TRPS1: variants seen among roughly 807,000 people sequenced by gnomAD.
The protein encoded by TRPS1 is transcriptional repressor GATA binding 1, also known as zinc finger transcription factor Trps1.
A neutral mutation model predicts 101.2 loss-of-function variants in TRPS1; 6 were observed. That is an observed-to-expected ratio of 0.06 (90% CI 0.03 to 0.12). The LOEUF (loss-of-function observed/expected upper bound fraction) is 0.12, where lower values mean the gene tolerates loss of function less well. Ranked by LOEUF, TRPS1 falls within the 10% of genes least tolerant of loss-of-function variation. The pLI is 1.00. For missense variants in TRPS1, 1,363 were observed against 1,567.0 expected, an observed-to-expected ratio of 0.87 and a Z score of 2.20; for synonymous variants, 578 against 589.8, an observed-to-expected ratio of 0.98 and a Z score of 0.29.
At chr8:115,473,597 G>A (rs548094114) in intron 5 of TRPS1, among the ~76,000 whole-genome samples, 2 of 152,254 alleles carry the variant, frequency 1.3e-5, no homozygotes, top group Admixed American at 1.3e-4. Flanking sequence ...GAGTAGGGAA[G>A]AAGAAACAAA....
chr8:115,657,215 T>C lies in TRPS1; in HGVS notation c.-122+11330A>G, dbSNP rs920027785. On this transcript the variant is annotated intron_variant, in intron 1 of 6. Transcript: ENST00000395715. ...AAAAGCAAACATTCACTGTTATATT[T>C]TCCTAGACATGAAAGATAGAACTAA... Among the ~76,000 whole-genome samples, 32 of 152,110 alleles carry C rather than the reference T, an allele frequency of 2.1e-4. 1 individual carries two copies. Among genetic ancestry groups the C allele is most frequent in the African/African-American group, 7.7e-4 (32 of 41,416 alleles).
intron 5 of TRPS1, among the ~76,000 whole-genome samples, chr8:115,547,806 G>C (rs1816610515): frequency 6.6e-6 from 1 of 152,102 alleles, no homozygotes; most frequent in Non-Finnish European, 1.5e-5. Context: ...TTTGTGTCCT[G>C]TTGTCTACTT....
intron 5 of TRPS1, among the ~76,000 whole-genome samples, chr8:115,567,794 A>C (rs1048074994): frequency 1.3e-5 from 2 of 152,012 alleles, no homozygotes; most frequent in Non-Finnish European, 2.9e-5. Context: ...CGTGCAATCC[A>C]CTATGTTAAT....
intron 5 of TRPS1, among the ~76,000 whole-genome samples, chr8:115,502,215 A>G (rs1815336084): frequency 6.6e-6 from 1 of 152,114 alleles, no homozygotes; most frequent in African/African-American, 2.4e-5. Flanking sequence ...CAATTAAGTC[A>G]TGACACTCTT....
intron 4 of TRPS1, among the ~76,000 whole-genome samples, chr8:115,589,531 A>C (rs1427690455): frequency 6.6e-6 from 1 of 152,182 alleles, no homozygotes; most frequent in African/African-American, 2.4e-5. Flanking sequence ...GATTGTTTCC[A>C]ATCTTTTCCC....
chr8:115,534,275 CTCTAACCCCGATACCATCACACTGGAGAT>C lies in TRPS1; in HGVS notation c.2700+52697_2700+52725del, dbSNP rs1343301994. ...GATACCATCACACTGGAGATTGAAG[CTCTAACCCCGATACCATCACACTGGAGAT>C]TGAAGCTCTAACCGCAGTACCATCA... On this transcript the variant is annotated intron_variant, in intron 5 of 6. Coordinates refer to ENST00000395715, the MANE Select transcript of TRPS1 (RefSeq NM_014112.5). Among the ~76,000 whole-genome samples the C allele has an allele frequency of 1.9e-4, 28 of 148,028 alleles. 1 individual carries two copies. Among genetic ancestry groups the C allele is most frequent in the Non-Finnish European group, 2.7e-4 (18 of 66,764 alleles).
rs1477409840 is a variant in TRPS1 at position 115,668,903 on chromosome 8, TAG to T, written c.-482_-481del. ...CCAGCAGCACCAAAAAAGAGGACGC[TAG>T]AGATTGCAGTAAGATCGGGTCTTTA... On this transcript the variant is annotated 5_prime_UTR_variant, in exon 1 of 7. Coordinates refer to ENST00000395715, the MANE Select transcript of TRPS1 (RefSeq NM_014112.5). The T allele has an allele frequency of 6.6e-6, 1 of 151,012 alleles. No individual in the cohort carries two copies. The highest frequency in any genetic ancestry group is 1.5e-5 in the Non-Finnish European group (1 of 67,798). The allele number at this position is 151,012 out of a possible 1,614,324, so 9.4% of individuals were successfully genotyped here.
intron 5 of TRPS1, among the ~76,000 whole-genome samples, chr8:115,489,973 T>C (rs2130098231): frequency 6.6e-6 from 1 of 152,188 alleles, no homozygotes; most frequent in African/African-American, 2.4e-5. Context: ...TTACTGATCC[T>C]CAATGTCTCT....
Position 115,448,303 on chromosome 8 carries a change from G to A in TRPS1, c.2701-29851C>T, listed in dbSNP as rs1465027117. On this transcript the variant is annotated intron_variant, in intron 5 of 6. Transcript: ENST00000395715. Reference sequence around the variant, plus strand: ...TGATGTTTGAGAAATGACAAAATTCGAGAAGAGGAATCTTACAAAGATACA... The same window carrying A: ...TGATGTTTGAGAAATGACAAAATTCAAGAAGAGGAATCTTACAAAGATACA... Among the ~76,000 whole-genome samples the A allele has an allele frequency of 2.6e-5, 4 of 152,086 alleles. No homozygotes were observed. The South Asian group carries it at 6.2e-4, about 24-fold the overall frequency.
At chr8:115,422,303 G>T (rs1000372628) in intron 5 of TRPS1, among the ~76,000 whole-genome samples, 11 of 151,954 alleles carry the variant, frequency 7.2e-5, no homozygotes, top group Admixed American at 5.2e-4. Context: ...CTGGAGTTGG[G>T]CAGAGATGGT....
chr8:115,529,939 C>A lies in TRPS1; in HGVS notation c.2700+57062G>T, dbSNP rs181590052. Among the ~76,000 whole-genome samples, 15 of 152,022 alleles carry A rather than the reference C, an allele frequency of 9.9e-5. No homozygotes were observed. The East Asian group carries it at 2.9e-3, about 29-fold the overall frequency. The stretch of plus-strand genomic sequence containing the variant: ...GTGCTTTGTGTATAGGAGATCTTTA[C>A]AAAATTAAAATGGCAGAGATGCATT... On this transcript the variant is annotated intron_variant, in intron 5 of 6. Coordinates refer to ENST00000395715, the MANE Select transcript of TRPS1 (RefSeq NM_014112.5).
intron 1 of TRPS1, among the ~76,000 whole-genome samples, chr8:115,646,004 A>T (rs2737244): frequency 0.49 from 73,820 of 151,998 alleles, 20,698 homozygotes; most frequent in African/African-American, 0.77. Flanking sequence ...CTGTCCGTAA[A>T]TATCCTAAAT....
Position 115,410,356 on chromosome 8 carries a change from TTAAAGA to T in TRPS1, c.*3661_*3666del, listed in dbSNP as rs1812761899. On this transcript the variant is annotated 3_prime_UTR_variant, in exon 7 of 7. Coordinates refer to ENST00000395715, the MANE Select transcript of TRPS1 (RefSeq NM_014112.5). ...TACCACAGGCTTCAACAAAGAGCTG[TTAAAGA>T]TACTTTTTTCCCTTCTCATTAATAT... is the stretch of plus-strand genomic sequence containing the variant. The T allele has an allele frequency of 6.6e-6, 1 of 152,486 alleles. No homozygotes were observed. Among genetic ancestry groups the T allele is most frequent in the Admixed American group, 6.6e-5 (1 of 15,234 alleles). The allele number at this position is 152,486 out of a possible 1,614,324, so 9.4% of individuals were successfully genotyped here.
intron 5 of TRPS1, among the ~76,000 whole-genome samples, chr8:115,494,085 G>A (rs1815092957): frequency 6.6e-6 from 1 of 152,186 alleles, no homozygotes; most frequent in African/African-American, 2.4e-5. Context: ...ATGGGACTGT[G>A]AACTCCAGTG....
At chr8:115,555,978 T>C (rs997240750) in intron 5 of TRPS1, among the ~76,000 whole-genome samples, 4 of 152,012 alleles carry the variant, frequency 2.6e-5, no homozygotes, top group African/African-American at 9.7e-5. Flanking sequence ...TGAACCATGA[T>C]TGCACCACTG....
chr8:115,612,362 A>T (rs911306918), intron 3 of TRPS1, among the ~76,000 whole-genome samples: 2 of 152,124 alleles, frequency 1.3e-5, no homozygotes, highest in African/African-American at 2.4e-5. Context: ...ATCAATAAGG[A>T]TTTACTTGAA....
At chr8:115,648,327 C>T (rs1377631496) in intron 1 of TRPS1, among the ~76,000 whole-genome samples, 2 of 152,112 alleles carry the variant, frequency 1.3e-5, no homozygotes, top group Non-Finnish European at 1.5e-5. Flanking sequence ...GCGCAGCAGC[C>T]GAGGATGAGA....
chr8:115,447,443 T>C (rs893238081), intron 5 of TRPS1, among the ~76,000 whole-genome samples: 1 of 152,166 alleles, frequency 6.6e-6, no homozygotes, highest in Non-Finnish European at 1.5e-5. Context: ...CCTTTATGTG[T>C]TTTAGAAGCT....
chr8:115,462,861 C>T (rs181545382), intron 5 of TRPS1, among the ~76,000 whole-genome samples: 124 of 152,082 alleles, frequency 8.2e-4, no homozygotes, highest in Non-Finnish European at 1.1e-3. Context: ...ATGTTGTGGA[C>T]AATGGGGATA....
Sources: allele counts gnomAD v4.1 joint callset (sites outside exome capture counted in the v4.1 genomes callset), GRCh38; gene constraint gnomAD v4.1.1; transcripts MANE v1.5; gene names NCBI Gene and HGNC (gene_info 2026-07-23, HGNC 2026-07-21).